The following PTPRN2 variants were observed in gnomAD, a reference collection of about 807,000 sequenced individuals.
PTPRN2 encodes protein tyrosine phosphatase receptor type N2.
A neutral mutation model predicts 118.8 loss-of-function variants in PTPRN2; 74 were observed. The observed-to-expected ratio is 0.62, with a 90% confidence interval of 0.52 to 0.76. The LOEUF (loss-of-function observed/expected upper bound fraction) is 0.76, where lower values mean the gene tolerates loss of function less well. Ranked by LOEUF, PTPRN2 falls within the 30% of genes least tolerant of loss-of-function variation. The probability of loss-of-function intolerance (pLI) is 0.00; values close to 1 mark genes in which losing one functional copy is unlikely to be tolerated. For missense variants in PTPRN2, 1,481 were observed against 1,394.4 expected, an observed-to-expected ratio of 1.06 and a Z score of -0.99; for synonymous variants, 641 against 608.0, an observed-to-expected ratio of 1.05 and a Z score of -0.80.
At chr7:158,071,052 T>C (rs1416803490) in intron 11 of PTPRN2, among the ~76,000 whole-genome samples, 1 of 68,640 alleles carries the variant, frequency 1.5e-5, no homozygotes, top group Admixed American at 1.4e-4. Flanking sequence ...GAGGTGCTCA[T>C]GGTGGTGGAG....
At chr7:158,173,907 G>A (rs1197755990) in intron 5 of PTPRN2, among the ~76,000 whole-genome samples, 2 of 152,164 alleles carry the variant, frequency 1.3e-5, no homozygotes, top group African/African-American at 4.8e-5. Context: ...CCTGAAGATC[G>A]CTGTTGTTCT....
At chr7:158,000,046 C>T (rs1449099579) in intron 11 of PTPRN2, among the ~76,000 whole-genome samples, 1 of 151,982 alleles carries the variant, frequency 6.6e-6, no homozygotes, top group Non-Finnish European at 1.5e-5. Flanking sequence ...GCCACCATGC[C>T]CGGCTAATTT....
At chr7:157,713,481 T>C (rs961035191) in intron 12 of PTPRN2, among the ~76,000 whole-genome samples, 1 of 152,060 alleles carries the variant, frequency 6.6e-6, no homozygotes, top group Non-Finnish European at 1.5e-5. Flanking sequence ...TTTGGATACT[T>C]TGTAAAAAAA....
In PTPRN2 at chr7:158,546,312, G is replaced by A. The variant is rs1276873263; in HGVS notation, c.112+41246C>T. Among the ~76,000 whole-genome samples, 4 of 152,192 alleles carry A rather than the reference G, an allele frequency of 2.6e-5. No individual in the cohort carries two copies. The highest frequency in any genetic ancestry group is 6.5e-5 in the Admixed American group (1 of 15,284). ...GCGCTTCCAGCAGCTTGAGCTTCACGCCTGCCCGGAGACGGGGTCCGCGAG... is the reference window on the plus strand; with the variant it reads ...GCGCTTCCAGCAGCTTGAGCTTCACACCTGCCCGGAGACGGGGTCCGCGAG... On this transcript the variant is annotated intron_variant, in intron 1 of 22. Coordinates refer to ENST00000389418, the MANE Select transcript of PTPRN2 (RefSeq NM_002847.5). The surrounding 1 kb of genome is among the most constrained non-coding windows in gnomAD (Gnocchi z 5.0).
chr7:158,264,485 T>G (rs1016679191), intron 3 of PTPRN2, among the ~76,000 whole-genome samples: 1 of 152,032 alleles, frequency 6.6e-6, no homozygotes, highest in East Asian at 1.9e-4. Flanking sequence ...TAAGCCACAC[T>G]CCTGTCCATA....
chr7:157,614,575 C>T (rs1031464756), intron 15 of PTPRN2, among the ~76,000 whole-genome samples: 2 of 152,178 alleles, frequency 1.3e-5, no homozygotes, highest in South Asian at 2.1e-4. Flanking sequence ...GTAGAGAAAG[C>T]GGCGGGAGTC....
intron 12 of PTPRN2, among the ~76,000 whole-genome samples, chr7:157,760,274 T>G (rs2151005005): frequency 6.6e-6 from 1 of 151,970 alleles, no homozygotes; most frequent in South Asian, 2.1e-4. Flanking sequence ...CCACCCAGGT[T>G]TGGCTCCCAG....
At chr7:157,754,802 G>A (rs1045416897) in intron 12 of PTPRN2, among the ~76,000 whole-genome samples, 1 of 152,244 alleles carries the variant, frequency 6.6e-6, no homozygotes, top group African/African-American at 2.4e-5. Flanking sequence ...CGTAAACACT[G>A]GAGCTGCAGA....
rs1811229482 is a variant in PTPRN2, at chr7:158,070,614, TG to T, written c.1723+10683del. ...GTGCCTGTGGTGGAGGTGCTCCTGG[TG>T]GTGGAGGTGCCCCTGGTGGTGGAGG... On this transcript the variant is annotated intron_variant, in intron 11 of 22. Coordinates refer to ENST00000389418, the MANE Select transcript of PTPRN2 (RefSeq NM_002847.5). Among the ~76,000 whole-genome samples the T allele has an allele frequency of 2.4e-4, 29 of 119,500 alleles. 3 individuals carry two copies. The highest frequency in any genetic ancestry group is 1.0e-3 in the African/African-American group (27 of 26,628). The allele number at this position is 119,500 out of a possible 152,430, so 78.4% of individuals were successfully genotyped here.
chr7:158,217,426 G>T (rs1294352689), intron 3 of PTPRN2, among the ~76,000 whole-genome samples: 1 of 152,168 alleles, frequency 6.6e-6, no homozygotes, highest in African/African-American at 2.4e-5. Flanking sequence ...AAACTCTTAT[G>T]AGAAATAACG....
chr7:157,963,687 T>C (rs1801697080), intron 11 of PTPRN2, among the ~76,000 whole-genome samples: 1 of 152,336 alleles, frequency 6.6e-6, no homozygotes, highest in African/African-American at 2.4e-5. Flanking sequence ...GGTCATGCCC[T>C]CACCCCATCC....
At chr7:157,649,666 C>T (rs1323054919) in intron 14 of PTPRN2, among the ~76,000 whole-genome samples, 7 of 100,292 alleles carry the variant, frequency 7.0e-5, no homozygotes, top group East Asian at 7.7e-4. Flanking sequence ...ACCCATCCAG[C>T]GTGCACTGAA....
At chr7:158,313,722 AT>A (rs1802063676) in intron 3 of PTPRN2, among the ~76,000 whole-genome samples, 1 of 151,926 alleles carries the variant, frequency 6.6e-6, no homozygotes, top group African/African-American at 2.4e-5. Flanking sequence ...CACAATATTA[AT>A]TTTCTCTGAG....
chr7:158,099,002 TC>T (rs5888739), intron 10 of PTPRN2, among the ~76,000 whole-genome samples: 1 of 15,190 alleles, frequency 6.6e-5, no homozygotes. Context: ...CTCCCCTTCC[TC>T]CCCCAACACA....
Position 158,089,706 on chromosome 7 carries a change from C to T in PTPRN2, c.1644-8329G>A, listed in dbSNP as rs368565725. 6.4e-3 allele frequency among the ~76,000 whole-genome samples: 914 copies of T among 142,776 alleles called. 129 individuals carry two copies. The highest frequency in any genetic ancestry group is 0.023 in the African/African-American group (816 of 34,840). The allele number at this position is 142,776 out of a possible 152,430, so 93.7% of individuals were successfully genotyped here. ...CCCCTGATGAAAGAGGGGGTCTTCA[C>T]ACACATCCTTCCTCCCCTGACAAAA... On this transcript the variant is annotated intron_variant, in intron 10 of 22. Transcript: ENST00000389418.
intron 6 of PTPRN2, among the ~76,000 whole-genome samples, chr7:158,144,083 T>C (rs1426003886): frequency 6.6e-6 from 1 of 152,192 alleles, no homozygotes; most frequent in East Asian, 1.9e-4. Flanking sequence ...CAAGGCCCTG[T>C]GTTTCCTAAG....
chr7:157,802,045 C>T (rs1290686630), intron 12 of PTPRN2, among the ~76,000 whole-genome samples: 4 of 152,184 alleles, frequency 2.6e-5, no homozygotes, highest in African/African-American at 9.7e-5. Flanking sequence ...CCCGCCCCGG[C>T]GTCCCTCTCC....
At chr7:158,145,794 G>A (rs1003590372) in intron 6 of PTPRN2, among the ~76,000 whole-genome samples, 4 of 152,106 alleles carry the variant, frequency 2.6e-5, no homozygotes, top group East Asian at 1.9e-4. Context: ...CCATCAATCC[G>A]ATCATCCATC....
chr7:157,631,660 G>C (rs187159079), intron 14 of PTPRN2, among the ~76,000 whole-genome samples: 4 of 152,114 alleles, frequency 2.6e-5, no homozygotes, highest in Middle Eastern at 3.4e-3. Flanking sequence ...GTGAAACCCC[G>C]TCTCTGCTAA....
Sources: gnomAD v4.1 joint callset for allele counts (sites outside exome capture counted in the v4.1 genomes callset) on GRCh38, gnomAD v4.1.1 for gene constraint, Gnocchi (gnomAD v3.1) non-coding constraint, MANE v1.5 for transcripts, NCBI Gene and HGNC (gene_info 2026-07-23, HGNC 2026-07-21) for gene names.